VCP: variants seen among roughly 807,000 people sequenced by gnomAD.
The protein encoded by VCP is valosin containing protein.
A neutral mutation model predicts 85.7 loss-of-function variants in VCP; 6 were observed. The ratio of observed to expected loss-of-function variants is 0.07; its 90% CI spans 0.04 to 0.14. The LOEUF is 0.14. Ranked by LOEUF, VCP falls within the 10% of genes least tolerant of loss-of-function variation. The pLI is 1.00. For missense variants in VCP, 353 were observed against 1,043.4 expected (o/e 0.34, Z 9.12); for synonymous variants, 384 against 367.1 (o/e 1.05, Z -0.53).
chr9:35,067,746 G>C, intron 3 of VCP, 145 bp downstream of exon 3: 1 of 1,092,600 alleles, frequency 9.2e-7, no homozygotes, highest in East Asian at 2.6e-5. Context: ...AGACAACCCT[G>C]AAGCATAAGT....
chr9:35,057,250 A>G (rs1828627375), intron 16 of VCP, 28 bp from the exon 17 acceptor site: 1 of 1,614,136 alleles, frequency 6.2e-7, no homozygotes, highest in Non-Finnish European at 8.5e-7. Flanking sequence ...GCCAAAAAAG[A>G]GGGTTAGGAC....
chr9:35,059,397 C>T lies in VCP; in HGVS notation c.2004+96G>A, dbSNP rs1255233684. 20 of 1,552,980 alleles carry T rather than the reference C, an allele frequency of 1.3e-5. No homozygotes were observed. The East Asian group carries it at 4.1e-4, about 32-fold the overall frequency. On this transcript the variant is annotated intron_variant, in intron 14 of 16. Transcript: ENST00000358901. This position sits in a 1 kb window ranked among gnomAD's most constrained non-coding sequence, Gnocchi z 4.9. ...ATTCTACCTTCCCTTTAGACCAACCCTAACCCCAGTGGAATCTTGTCCAGA... is the reference window on the plus strand; with the variant it reads ...ATTCTACCTTCCCTTTAGACCAACCTTAACCCCAGTGGAATCTTGTCCAGA...
intron 15 of VCP, among the ~76,000 whole-genome samples, chr9:35,058,519 T>C (rs1828654733): frequency 1.3e-5 from 2 of 152,136 alleles, no homozygotes; most frequent in Admixed American, 6.5e-5. Context: ...TCCCAGCACT[T>C]TGGGAGGCCG....
At chr9:35,057,709 C>A in intron 15 of VCP, 179 bp from the exon 16 acceptor site, 1 of 785,710 alleles carries the variant, frequency 1.3e-6, no homozygotes. Context: ...TGTCAATGCA[C>A]TCTGGAAAAG....
chr9:35,063,634 C>T (rs1828770728), intron 6 of VCP, among the ~76,000 whole-genome samples: 1 of 152,188 alleles, frequency 6.6e-6, no homozygotes, highest in Non-Finnish European at 1.5e-5. Context: ...ATTTGTGTGC[C>T]ACCCACTAGG....
chr9:35,060,187 A>T (rs904447839), intron 13 of VCP, 126 bp downstream of exon 13: 6 of 1,037,038 alleles, frequency 5.8e-6, no homozygotes, highest in African/African-American at 1.6e-5. Flanking sequence ...TCAGAAAGAA[A>T]ATCAAGTGAC....
rs1289106794 is a variant in VCP at position 35,056,344 on chromosome 9, T to C, written c.*773A>G. 1.3e-5 allele frequency: 2 copies of C among 152,750 alleles called. No individual in the cohort carries two copies. The highest frequency in any genetic ancestry group is 2.9e-5 in the Non-Finnish European group (2 of 68,352). The allele number at this position is 152,750 out of a possible 1,614,324, so 9.5% of individuals were successfully genotyped here. A position where few individuals can be genotyped will look rare whatever the true frequency, so the allele number is the denominator to read the frequency against. ...GGAGGGATGCCATATTCTCCACATT[T>C]GGAGCTCTGTCAGGCTGCTCCCTTT... On this transcript the variant is annotated 3_prime_UTR_variant, in exon 17 of 17. Transcript: ENST00000358901.
At chr9:35,071,692 A>T in intron 1 of VCP, 1 of 984,604 alleles carries the variant, frequency 1.0e-6, no homozygotes, top group Non-Finnish European at 1.2e-6. Context: ...CCAGAAGCGA[A>T]AGGTAGGGCT....
chr9:35,058,912 C>A, intron 15 of VCP, 152 bp downstream of exon 15: 2 of 1,065,498 alleles, frequency 1.9e-6, no homozygotes, highest in Non-Finnish European at 1.4e-6. Context: ...TGAATGGATT[C>A]ACCTCAGCAT....
Position 35,056,430 on chromosome 9 carries a change from G to A in VCP, c.*687C>T, listed in dbSNP as rs1204929715. On this transcript the variant is annotated 3_prime_UTR_variant, in exon 17 of 17. Transcript: ENST00000358901. The stretch of plus-strand genomic sequence containing the variant: ...GTGAGGCAACAGGAGACATCATACC[G>A]ATGTTGATCAGGAGAGGAAGAAGGT... The A allele has an allele frequency of 1.3e-5, 2 of 155,686 alleles. No individual in the cohort carries two copies. Among genetic ancestry groups the A allele is most frequent in the South Asian group, 2.0e-4 (1 of 5,050 alleles). 9.6% of individuals were successfully genotyped at this position (155,686 alleles called of 1,614,324 possible).
At position 35,057,507 on chromosome 9, in the gene VCP, C is replaced by T. The variant is rs1307813539; in HGVS notation, c.2184G>A (p.Val728=). 3.1e-6 allele frequency: 5 copies of T among 1,612,034 alleles called. No homozygotes were observed. The South Asian group carries it at 5.5e-5, about 18-fold the overall frequency. Residue 728 remains valine (V), a synonymous_variant, in exon 16 of 17, where the codon GTG becomes GTA. Coordinates refer to ENST00000358901, the MANE Select transcript of VCP (RefSeq NM_007126.5). ...CAAAGTGATCTCGACGGATCTCAGG[C>T]ACTGGATCATCCTCTTCTACCTCCT... ...SAMEVEEDDP[V]PEIRRDHFEE...
At chr9:35,064,822 G>A (rs943065525) in intron 5 of VCP, among the ~76,000 whole-genome samples, 3 of 152,162 alleles carry the variant, frequency 2.0e-5, no homozygotes, top group African/African-American at 7.2e-5. Flanking sequence ...ATGAATAGCT[G>A]GCAGGTTTCT....
Position 35,068,083 on chromosome 9 carries a change from G to A in VCP, c.130-20C>T. 1.2e-6 allele frequency: 2 copies of A among 1,614,172 alleles called. No individual in the cohort carries two copies. The highest frequency in any genetic ancestry group is 1.7e-6 in the Non-Finnish European group (2 of 1,180,048). ...CTTGGGCTGAGGAAAGAAAGTTAAGGCCTTTGGGTCATTGGGCTGACGGGG... is the reference window on the plus strand; with the variant it reads ...CTTGGGCTGAGGAAAGAAAGTTAAGACCTTTGGGTCATTGGGCTGACGGGG... On this transcript the variant is annotated intron_variant, in intron 2 of 16. Coordinates refer to ENST00000358901, the MANE Select transcript of VCP (RefSeq NM_007126.5).
At position 35,067,920 on chromosome 9, in the gene VCP, G is replaced by A. The variant is rs1563980966; in HGVS notation, c.273C>T (p.Asn91=). 1 of 1,614,180 alleles carries A rather than the reference G, an allele frequency of 6.2e-7. No individual in the cohort carries two copies. The highest frequency in any genetic ancestry group is 8.5e-7 in the Non-Finnish European group (1 of 1,180,040). The change falls in exon 3 of 17, where the codon AAC becomes AAT. Residue 91 remains asparagine (N), a synonymous_variant. Coordinates refer to ENST00000358901, the MANE Select transcript of VCP (RefSeq NM_007126.5). Reference sequence around the variant, plus strand: ...TGACATCCCCTAGGCGTACACGAAGGTTATTCCGAACAACTCTATTCATCC... The same window carrying A: ...TGACATCCCCTAGGCGTACACGAAGATTATTCCGAACAACTCTATTCATCC... ...KIRMNRVVRN[N]LRVRLGDVIS... is the part of the protein sequence containing the mutation.
In VCP at chr9:35,059,553, A is replaced by T. The variant is rs1828679866; in HGVS notation, c.1944T>A (p.Pro648=). ...RLDQLIYIPL[P]DEKSRVAILK... ...GGATGGCAACACGGGACTTCTCATC[A>T]GGAAGTGGGATGTAGATGAGCTGAT... Residue 648 remains proline, a synonymous_variant, in exon 14 of 17, where the codon CCT becomes CCA. Coordinates refer to ENST00000358901, the MANE Select transcript of VCP (RefSeq NM_007126.5). This position sits in a 1 kb window ranked among gnomAD's most constrained non-coding sequence, Gnocchi z 4.9. The T allele has an allele frequency of 6.2e-7, 1 of 1,614,200 alleles. No individual in the cohort carries two copies. Among genetic ancestry groups the T allele is most frequent in the Non-Finnish European group, 8.5e-7 (1 of 1,180,026 alleles).
Position 35,072,497 on chromosome 9 carries a change from G to T in VCP, c.-144C>A. On this transcript the variant is annotated 5_prime_UTR_variant, in exon 1 of 17. Coordinates refer to ENST00000358901, the MANE Select transcript of VCP (RefSeq NM_007126.5). The stretch of plus-strand genomic sequence containing the variant: ...CAAACCCGCAAGCGGCTTCCCTCTC[G>T]CTTCCTCCCACCGGCAGCGAGGCGT... 1.8e-6 allele frequency: 2 copies of T among 1,085,178 alleles called. No homozygotes were observed. Among genetic ancestry groups the T allele is most frequent in the Non-Finnish European group, 2.4e-6 (2 of 820,284 alleles). 67.2% of individuals were successfully genotyped at this position (1,085,178 alleles called of 1,614,324 possible).
chr9:35,066,721 T>C lies in VCP; in HGVS notation c.399A>G (p.Val133=), dbSNP rs772069942. Residue 133 remains valine (V), a synonymous_variant, in exon 4 of 17, where the codon GTA becomes GTG. Transcript: ENST00000358901. ...VEGITGNLFE[V]YLKPYFLEAY... is the part of the protein sequence containing the mutation. ...CTTCCAGGAAGTACGGCTTAAGGTA[T>C]ACCTCGAAGAGATTACCAGTAATGC... The C allele has an allele frequency of 1.2e-6, 2 of 1,614,188 alleles. No homozygotes were observed. The highest frequency in any genetic ancestry group is 1.1e-5 in the South Asian group (1 of 91,088).
intron 3 of VCP, 47 bp downstream of exon 3, chr9:35,067,844 C>T: frequency 3.7e-6 from 6 of 1,613,030 alleles, no homozygotes; most frequent in Non-Finnish European, 4.2e-6. Flanking sequence ...GTAATGCAGG[C>T]TATCTCTGGC....
At chr9:35,065,069 T>C (rs942975964) in intron 5 of VCP, among the ~76,000 whole-genome samples, 182 bp downstream of exon 5, 2 of 152,192 alleles carry the variant, frequency 1.3e-5, no homozygotes, top group Admixed American at 6.5e-5. Context: ...GATTTCACCA[T>C]GTTGCCCAGG....
Sources: allele counts gnomAD v4.1 joint callset (sites outside exome capture counted in the v4.1 genomes callset), GRCh38; gene constraint gnomAD v4.1.1; non-coding constraint Gnocchi (gnomAD v3.1); transcripts MANE v1.5; gene names NCBI Gene and HGNC (gene_info 2026-07-23, HGNC 2026-07-21).